IL1RAPL2: variants seen among roughly 807,000 people sequenced by gnomAD.
The protein encoded by IL1RAPL2 is X-linked interleukin-1 receptor accessory protein-like 2.
Under a neutral mutation model 44.1 loss-of-function variants are expected in IL1RAPL2, and 3 were observed. The observed-to-expected ratio is 0.07, with a 90% CI of 0.03 to 0.18. The LOEUF (loss-of-function observed/expected upper bound fraction) is 0.18, where lower values mean the gene tolerates loss of function less well. Ranked by LOEUF, IL1RAPL2 falls within the 10% of genes least tolerant of loss-of-function variation. The probability of loss-of-function intolerance (pLI) is 1.00; values close to 1 mark genes in which losing one functional copy is unlikely to be tolerated. For synonymous variants in IL1RAPL2, 181 were observed against 178.8 expected, an observed-to-expected ratio of 1.01 and a Z score of -0.10; for missense variants, 391 against 496.4, an observed-to-expected ratio of 0.79 and a Z score of 2.02.
At chrX:105,689,693 T>G (rs1040191546) in intron 6 of IL1RAPL2, among the ~76,000 whole-genome samples, 18 of 112,105 alleles carry the variant, frequency 1.6e-4, no homozygotes, top group African/African-American at 4.9e-4. Context: ...AGAATTACCA[T>G]TTGACCCAGC....
chrX:104,888,610 A>ACT (rs1923326566), intron 2 of IL1RAPL2, among the ~76,000 whole-genome samples: 2 of 110,288 alleles, frequency 1.8e-5, no homozygotes, highest in African/African-American at 6.6e-5. Flanking sequence ...TTACCTCTAC[A>ACT]AGACTCTCAA....
At chrX:105,726,293 A>G (rs763127879) in intron 7 of IL1RAPL2, among the ~76,000 whole-genome samples, 1 of 112,214 alleles carries the variant, frequency 8.9e-6, no homozygotes, top group South Asian at 3.7e-4. Context: ...TTGCAGATAA[A>G]GAAACTGAAG....
At chrX:105,602,525 A>G (rs2037260943) in intron 6 of IL1RAPL2, among the ~76,000 whole-genome samples, 2 of 111,258 alleles carry the variant, frequency 1.8e-5, no homozygotes, top group South Asian at 7.5e-4. Context: ...CATTCAATGA[A>G]ATGATAGTTT....
chrX:105,162,896 C>T (rs901078314), intron 2 of IL1RAPL2, among the ~76,000 whole-genome samples: 1 of 111,463 alleles, frequency 9.0e-6, no homozygotes, highest in African/African-American at 3.3e-5. Flanking sequence ...GAAGGAACTC[C>T]TAATCACCTC....
intron 2 of IL1RAPL2, among the ~76,000 whole-genome samples, chrX:104,833,813 T>C (rs1921671879): frequency 8.9e-6 from 1 of 112,539 alleles, no homozygotes; most frequent in African/African-American, 3.2e-5. Flanking sequence ...GCCAAATCAA[T>C]GTAAAAAGGA....
intron 2 of IL1RAPL2, among the ~76,000 whole-genome samples, chrX:104,756,513 T>C (rs571874509): frequency 9.0e-6 from 1 of 110,848 alleles, no homozygotes; most frequent in Non-Finnish European, 1.9e-5. Context: ...ATGGAGTAAG[T>C]CTTTTTTTGT....
chrX:104,607,990 C>T (rs371109824), intron 1 of IL1RAPL2, among the ~76,000 whole-genome samples: 8 of 111,752 alleles, frequency 7.2e-5, no homozygotes, highest in African/African-American at 2.6e-4. Context: ...AAATGTCCAT[C>T]AATGATAGAC....
intron 2 of IL1RAPL2, among the ~76,000 whole-genome samples, chrX:104,759,898 A>G (rs1932398778): frequency 2.7e-5 from 3 of 111,428 alleles, no homozygotes; most frequent in Admixed American, 1.9e-4. Flanking sequence ...GTCTTACTCA[A>G]TCTTTCTAAC....
chrX:105,447,474 A>T (rs1454352732), intron 5 of IL1RAPL2, among the ~76,000 whole-genome samples: 1 of 75,065 alleles, frequency 1.3e-5, no homozygotes, highest in Non-Finnish European at 2.2e-5. Context: ...TATAAATATA[A>T]ATAAATATAA....
At chrX:104,861,027 G>A (rs368417460) in intron 2 of IL1RAPL2, among the ~76,000 whole-genome samples, 14 of 110,642 alleles carry the variant, frequency 1.3e-4, no homozygotes, top group African/African-American at 4.3e-4. Flanking sequence ...AGTATTTTCC[G>A]CCATTACTCC....
intron 2 of IL1RAPL2, among the ~76,000 whole-genome samples, chrX:105,020,467 A>G (rs946323422): frequency 1.7e-4 from 19 of 112,060 alleles, no homozygotes; most frequent in African/African-American, 6.2e-4. Flanking sequence ...AGGGATTTAC[A>G]TTGAATGACA....
chrX:105,283,595 A>G (rs907803429), intron 5 of IL1RAPL2, among the ~76,000 whole-genome samples: 1 of 111,323 alleles, frequency 9.0e-6, no homozygotes, highest in African/African-American at 3.3e-5. Flanking sequence ...GGTAGACAGT[A>G]GTGCTATTTC....
At chrX:104,581,081 A>G (rs1928335347) in intron 1 of IL1RAPL2, among the ~76,000 whole-genome samples, 1 of 112,609 alleles carries the variant, frequency 8.9e-6, no homozygotes. Flanking sequence ...GTTTTAAATT[A>G]TGCATCTCTA....
chrX:104,579,084 G>A (rs184266746), intron 1 of IL1RAPL2, among the ~76,000 whole-genome samples: 1 of 111,631 alleles, frequency 9.0e-6, no homozygotes, highest in East Asian at 2.8e-4. Flanking sequence ...TTAAAAAGTT[G>A]AAGTTGTCTT....
intron 5 of IL1RAPL2, among the ~76,000 whole-genome samples, chrX:105,458,152 C>T (rs1395901439): frequency 9.0e-6 from 1 of 110,947 alleles, no homozygotes; most frequent in Non-Finnish European, 1.9e-5. Flanking sequence ...TTTCTTTGCC[C>T]ATCTCTTGAA....
At chrX:104,796,210 CA>C (rs1182543563) in intron 2 of IL1RAPL2, among the ~76,000 whole-genome samples, 3 of 112,202 alleles carry the variant, frequency 2.7e-5, no homozygotes, top group African/African-American at 9.7e-5. Context: ...AGCTGTTTCA[CA>C]GAGATATTGT....
At chrX:105,634,805 A>C (rs888833482) in intron 6 of IL1RAPL2, among the ~76,000 whole-genome samples, 4 of 111,999 alleles carry the variant, frequency 3.6e-5, no homozygotes, top group Admixed American at 9.5e-5. Flanking sequence ...GAGGCTTATC[A>C]TATGTCAGAT....
At chrX:104,980,154 AG>A (rs1251370082) in intron 2 of IL1RAPL2, among the ~76,000 whole-genome samples, 2 of 111,932 alleles carry the variant, frequency 1.8e-5, no homozygotes, top group African/African-American at 6.5e-5. Flanking sequence ...TAAAAAATAA[AG>A]TAGATAGATG....
chrX:104,909,076 C>T (rs1412588066), intron 2 of IL1RAPL2, among the ~76,000 whole-genome samples: 3 of 111,171 alleles, frequency 2.7e-5, no homozygotes, highest in East Asian at 2.8e-4. Flanking sequence ...CTTCCCTTCT[C>T]GCTTCATTTC....
Sources: allele counts gnomAD v4.1 joint callset (sites outside exome capture counted in the v4.1 genomes callset), GRCh38; gene constraint gnomAD v4.1.1; transcripts MANE v1.5; gene names NCBI Gene and HGNC (gene_info 2026-07-23, HGNC 2026-07-21).